The following KRT35 variants were observed in gnomAD, a reference collection of about 807,000 sequenced individuals.
The protein encoded by KRT35 is keratin, type I cuticular Ha5.
Under a neutral mutation model 42.2 loss-of-function variants are expected in KRT35, and 33 were observed. The observed-to-expected ratio is 0.78, with a 90% CI of 0.59 to 1.05. KRT35 has a LOEUF of 1.05. Among genes scored for constraint, KRT35 ranks in the 50% least tolerant of loss-of-function variants. KRT35 has a pLI of 0.00. For synonymous variants in KRT35, 218 were observed against 238.2 expected (o/e 0.92, Z 0.78); for missense variants, 585 against 589.2 (o/e 0.99, Z 0.07).
In KRT35 at chr17:41,481,039, C is replaced by T. The variant is rs1191638949; in HGVS notation, c.59G>A (p.Gly20Glu). ...FSSGSLKSPG[G>E]ASGGSTRVSA... is the part of the protein sequence containing the mutation. ...CACACGAGTGGAGCCCCCACTGGCC[C>T]CTCCTGGGCTCTTGAGAGACCCAGA... The change falls in exon 1 of 7, where the codon GGG becomes GAG. Residue 20 changes from glycine (G) to glutamate (E), a missense_variant. Transcript: ENST00000246639. 1.2e-6 allele frequency: 2 copies of T among 1,613,816 alleles called. No homozygotes were observed. The highest frequency in any genetic ancestry group is 1.7e-5 in the Admixed American group (1 of 59,992).
In KRT35 at chr17:41,477,428, G is replaced by A. The variant is rs2071600; in HGVS notation, c.1220+90C>T. On this transcript the variant is annotated intron_variant, in intron 6 of 6. Coordinates refer to ENST00000246639, the MANE Select transcript of KRT35 (RefSeq NM_002280.6). ...CTAAGAGAACAGAACTCCAGACTCC[G>A]AATGCCAGGCTCTTTCTAGGCACCA... is the stretch of plus-strand genomic sequence containing the variant. The A allele has an allele frequency of 9.5e-3, 14,589 of 1,542,616 alleles. 557 individuals are homozygous for A. The East Asian group carries it at 0.11, about 12-fold the overall frequency.
At chr17:41,478,241 C>T (rs886782623) in intron 5 of KRT35, 120 bp downstream of exon 5, 8 of 1,080,528 alleles carry the variant, frequency 7.4e-6, no homozygotes, top group Non-Finnish European at 9.2e-6. Context: ...ATAGAGAACC[C>T]CTGGTGCTCA....
Position 41,479,271 on chromosome 17 carries a change from CTCACCTCCTCCCCATGT to C in KRT35, c.711+59_711+75del, listed in dbSNP as rs1178455648. ...CCCTATGCTCACCTCATCCCCAATG[CTCACCTCCTCCCCATGT>C]TCACCTCCTCCCCCATGCTCACCTG... is the stretch of plus-strand genomic sequence containing the variant. On this transcript the variant is annotated intron_variant, in intron 3 of 6. Transcript: ENST00000246639. 5.5e-6 allele frequency: 8 copies of C among 1,464,036 alleles called. No homozygotes were observed. The African/African-American group carries it at 7.7e-5, about 14-fold the overall frequency. 90.7% of individuals were successfully genotyped at this position (1,464,036 alleles called of 1,614,324 possible).
intron 1 of KRT35, among the ~76,000 whole-genome samples, chr17:41,480,264 T>C (rs1481076698): frequency 1.3e-5 from 2 of 152,198 alleles, no homozygotes; most frequent in African/African-American, 4.8e-5. Flanking sequence ...AAGCCTGAAC[T>C]GCACTGCACT....
At position 41,476,960 on chromosome 17, in the gene KRT35, G is replaced by A. The variant is rs576624266; in HGVS notation, c.*96C>T. ...GCCAGACCCTGGGCCTGGGCTCTGC[G>A]CGAAGAGAGGGGATTGGGCTACAAG... On this transcript the variant is annotated 3_prime_UTR_variant, in exon 7 of 7. Transcript: ENST00000246639. 3.3e-5 allele frequency: 41 copies of A among 1,243,706 alleles called. No individual in the cohort carries two copies. Among genetic ancestry groups the A allele is most frequent in the Middle Eastern group, 5.8e-4 (2 of 3,424 alleles). The allele number at this position is 1,243,706 out of a possible 1,614,324, so 77.0% of individuals were successfully genotyped here. A position where few individuals can be genotyped will look rare whatever the true frequency, so the allele number is the denominator to read the frequency against.
chr17:41,478,637 G>A, intron 4 of KRT35, 151 bp from the exon 5 acceptor site: 1 of 1,176,290 alleles, frequency 8.5e-7, no homozygotes, highest in Non-Finnish European at 1.2e-6. Context: ...TTGTTGCTCA[G>A]AGGACAGCAA....
In KRT35 at chr17:41,477,002, A is replaced by C. The variant is rs565264196; in HGVS notation, c.*54T>G. 6 of 1,493,948 alleles carry C rather than the reference A, an allele frequency of 4.0e-6. No individual in the cohort carries two copies. Among genetic ancestry groups the C allele is most frequent in the Non-Finnish European group, 5.4e-6 (6 of 1,117,966 alleles). 92.5% of individuals were successfully genotyped at this position (1,493,948 alleles called of 1,614,324 possible). ...GGCTACAAGGGTTAAGTTTGGGTAG[A>C]GGCCAAGTTCAAGCCCTGGAGACAA... On this transcript the variant is annotated 3_prime_UTR_variant, in exon 7 of 7. Transcript: ENST00000246639.
intron 4 of KRT35, among the ~76,000 whole-genome samples, 162 bp downstream of exon 4, chr17:41,478,672 C>T (rs2019213510): frequency 6.7e-6 from 1 of 148,526 alleles, no homozygotes; most frequent in Non-Finnish European, 1.5e-5. Context: ...TCTGTTTTGA[C>T]CTTGTCAGCA....
chr17:41,479,203 C>T, intron 3 of KRT35, 144 bp downstream of exon 3: 1 of 1,052,228 alleles, frequency 9.5e-7, no homozygotes, highest in Non-Finnish European at 1.4e-6. Flanking sequence ...CCCATGCTCA[C>T]CTCCTCTTCC....
In KRT35 at chr17:41,480,675, G is replaced by A; in HGVS notation, c.423C>T (p.Cys141=). The A allele has an allele frequency of 6.2e-7, 1 of 1,614,164 alleles. No individual in the cohort carries two copies. The highest frequency in any genetic ancestry group is 8.5e-7 in the Non-Finnish European group (1 of 1,180,024). Residue 141 remains cysteine, a synonymous_variant, in exon 1 of 7, where the codon TGC becomes TGT. Coordinates refer to ENST00000246639, the MANE Select transcript of KRT35 (RefSeq NM_002280.6). ...EWCEQQVPYM[C]PDYQSYFRTI... ...TCCGGAAGTAGGACTGGTAGTCAGG[G>A]CACATGTAGGGGACCTGCTGCTCAC... is the stretch of plus-strand genomic sequence containing the variant.
chr17:41,479,167 C>T (rs1452160203), intron 3 of KRT35, among the ~76,000 whole-genome samples, 172 bp from the exon 4 acceptor site: 2 of 149,432 alleles, frequency 1.3e-5, no homozygotes, highest in Middle Eastern at 3.5e-3. Flanking sequence ...TCTGCATGCT[C>T]ACCTGCTCTC....
chr17:41,477,881 T>A, intron 5 of KRT35, 143 bp from the exon 6 acceptor site: 1 of 1,229,176 alleles, frequency 8.1e-7, no homozygotes, highest in South Asian at 1.6e-5. Context: ...TCAAGAGTTG[T>A]GTAGGGAGGA....
At chr17:41,479,217 T>C in intron 3 of KRT35, 130 bp downstream of exon 3, 1 of 1,134,142 alleles carries the variant, frequency 8.8e-7, no homozygotes, top group South Asian at 1.5e-5. Context: ...CTCTTCCCTA[T>C]GCACACCTGC....
Position 41,480,660 on chromosome 17 carries a change from G to A in KRT35, c.438C>T (p.Ser146=). The A allele has an allele frequency of 1.2e-6, 2 of 1,614,142 alleles. No homozygotes were observed. The highest frequency in any genetic ancestry group is 8.5e-7 in the Non-Finnish European group (1 of 1,180,010). Residue 146 remains serine (S), a synonymous_variant, in exon 1 of 7, where the codon TCC becomes TCT. Transcript: ENST00000246639. The part of the protein sequence containing the change: ...QVPYMCPDYQ[S]YFRTIEELQK... ...GGAGCTCCTCGATGGTCCGGAAGTA[G>A]GACTGGTAGTCAGGGCACATGTAGG...
Position 41,477,187 on chromosome 17 carries a change from A to G in KRT35, c.1237T>C (p.Cys413Arg). 2 of 1,613,866 alleles carry G rather than the reference A, an allele frequency of 1.2e-6. No homozygotes were observed. Among genetic ancestry groups the G allele is most frequent in the Non-Finnish European group, 1.7e-6 (2 of 1,179,874 alleles). Reference sequence around the variant, plus strand: ...TTGGAGGGTGAGTAGTCAGGTGCACATGGGTTACAGGGGAGCCTAGAAAAA... The same window carrying G: ...TTGGAGGGTGAGTAGTCAGGTGCACGTGGGTTACAGGGGAGCCTAGAAAAA... ...SEDSKLPCNP[C>R]APDYSPSKSC... The change falls in exon 7 of 7, where the codon TGT becomes CGT. Residue 413 changes from cysteine to arginine, a missense_variant. Transcript: ENST00000246639.
In KRT35 at chr17:41,479,495, G is replaced by A. The variant is rs201567824; in HGVS notation, c.563C>T (p.Thr188Met). The A allele has an allele frequency of 2.4e-4, 381 of 1,613,782 alleles. 2 individuals are homozygous for A. Among genetic ancestry groups the A allele is most frequent in the South Asian group, 5.3e-4 (48 of 91,034 alleles). Residue 188 changes from threonine (T) to methionine (M), a missense_variant, in exon 3 of 7, where the codon ACG becomes ATG. Coordinates refer to ENST00000246639, the MANE Select transcript of KRT35 (RefSeq NM_002280.6). ...CACCAGCTGCCGCAGGGACACCTCCGTCTCATACCTGCAGGCATAGAACAG... is the reference window on the plus strand; with the variant it reads ...CACCAGCTGCCGCAGGGACACCTCCATCTCATACCTGCAGGCATAGAACAG... ...AADDFRTKYE[T>M]EVSLRQLVES...
Position 41,479,451 on chromosome 17 carries a change from G to A in KRT35, c.607C>T (p.Leu203=). The change falls in exon 3 of 7, where the codon CTG becomes TTG. Residue 203 remains leucine (L), a synonymous_variant. Transcript: ENST00000246639. ...RQLVESDING[L]RRILDDLTLC... is the part of the protein sequence containing the mutation. ...GTCAGGTCATCCAGGATCCTGCGCA[G>A]GCCGTTGATGTCTGACTCCACCAGC... 6.2e-7 allele frequency: 1 copy of A among 1,614,182 alleles called. No homozygotes were observed. Among genetic ancestry groups the A allele is most frequent in the Non-Finnish European group, 8.5e-7 (1 of 1,180,020 alleles).
rs776512852 is a variant in KRT35 at position 41,480,579 on chromosome 17, T to G, written c.471+48A>C. 2.8e-6 allele frequency: 4 copies of G among 1,428,382 alleles called. No homozygotes were observed. In the Admixed American group the frequency reaches 6.8e-5, roughly 24 times the overall value. 88.5% of individuals were successfully genotyped at this position (1,428,382 alleles called of 1,614,324 possible). On this transcript the variant is annotated intron_variant, in intron 1 of 6. Coordinates refer to ENST00000246639, the MANE Select transcript of KRT35 (RefSeq NM_002280.6). ...TGGGAACAGAACTACCAATGAATGC[T>G]GGTGACACAAAGTTCCTGGGAATCC...
At chr17:41,479,819 A>G (rs2019230384) in intron 1 of KRT35, 38 bp from the exon 2 acceptor site, 3 of 1,555,248 alleles carry the variant, frequency 1.9e-6, no homozygotes, top group Non-Finnish European at 2.7e-6. Flanking sequence ...GCAAGAAAGG[A>G]CATTCCACTT....
Sources: allele counts gnomAD v4.1 joint callset (sites outside exome capture counted in the v4.1 genomes callset), GRCh38; gene constraint gnomAD v4.1.1; transcripts MANE v1.5; gene names NCBI Gene and HGNC (gene_info 2026-07-23, HGNC 2026-07-21).